The following GRIK4 variants were observed in gnomAD, a reference collection of about 807,000 sequenced individuals.
The protein encoded by GRIK4 is glutamate receptor ionotropic, kainate 4.
In GRIK4, 40 loss-of-function variants were observed where a neutral mutation model predicts 104.9. That is an observed-to-expected ratio of 0.38 (90% CI 0.30 to 0.50). The LOEUF (loss-of-function observed/expected upper bound fraction) is 0.50, where lower values mean the gene tolerates loss of function less well. GRIK4 is among the 20% of genes least tolerant of loss of function. The pLI is 0.93. For missense variants in GRIK4, 1,047 were observed against 1,308.1 expected, an observed-to-expected ratio of 0.80 and a Z score of 3.08; for synonymous variants, 485 against 524.9, an observed-to-expected ratio of 0.92 and a Z score of 1.04.
chr11:120,818,869 G>C (rs142466355), intron 5 of GRIK4, among the ~76,000 whole-genome samples: 89 of 152,300 alleles, frequency 5.8e-4, no homozygotes, highest in African/African-American at 2.1e-3. Flanking sequence ...TTCAGCTTCA[G>C]CTCGCTCAGC....
chr11:120,574,634 C>T lies in GRIK4; in HGVS notation c.-159+62747C>T, dbSNP rs1948454046. On this transcript the variant is annotated intron_variant, in intron 1 of 20. Transcript: ENST00000527524. ...CCCTGATCTGTAAGGGCAGGGGCTA[C>T]ATCTGTCTTGTTCACTATTGAACCC... 2.6e-5 allele frequency among the ~76,000 whole-genome samples: 4 copies of T among 152,182 alleles called. 1 individual carries two copies. The South Asian group carries it at 8.3e-4, about 32-fold the overall frequency.
chr11:120,608,452 CTGTG>C (rs145392325), intron 1 of GRIK4, among the ~76,000 whole-genome samples: 5 of 152,212 alleles, frequency 3.3e-5, no homozygotes, highest in Non-Finnish European at 7.3e-5. Context: ...TGGCCACACT[CTGTG>C]TGTGTGTGCA....
intron 14 of GRIK4, among the ~76,000 whole-genome samples, chr11:120,949,536 C>T (rs1047332506): frequency 2.6e-5 from 4 of 152,154 alleles, no homozygotes; most frequent in Non-Finnish European, 5.9e-5. Context: ...TAAATCAATA[C>T]AAATGCCTAT....
chr11:120,873,451 T>C (rs1219500809), intron 9 of GRIK4: 1 of 152,418 alleles, frequency 6.6e-6, no homozygotes, highest in East Asian at 1.9e-4. Context: ...TCCTCTTGTT[T>C]GTGCCCTGTC....
intron 19 of GRIK4, among the ~76,000 whole-genome samples, chr11:120,972,607 G>A (rs1591348711): frequency 6.6e-6 from 1 of 152,198 alleles, no homozygotes; most frequent in African/African-American, 2.4e-5. Flanking sequence ...AGGAGCTTCT[G>A]AGCAGAAAAG....
chr11:120,970,668 G>A (rs903525566), intron 19 of GRIK4, among the ~76,000 whole-genome samples: 18 of 152,014 alleles, frequency 1.2e-4, no homozygotes, highest in African/African-American at 3.1e-4. Context: ...CCAGGATCTC[G>A]GTGCCTTGCA....
chr11:120,884,450 A>G (rs957082822), intron 11 of GRIK4, among the ~76,000 whole-genome samples: 5 of 152,208 alleles, frequency 3.3e-5, no homozygotes, highest in African/African-American at 9.6e-5. Flanking sequence ...TCTGGCTGTA[A>G]CCACGCAAAG....
intron 3 of GRIK4, among the ~76,000 whole-genome samples, chr11:120,767,308 G>C (rs922753805): frequency 3.3e-5 from 5 of 152,182 alleles, no homozygotes; most frequent in Non-Finnish European, 7.3e-5. Flanking sequence ...GTGATCTTGA[G>C]CACTTTTTCA....
At chr11:120,730,251 G>A (rs761803351) in intron 3 of GRIK4, among the ~76,000 whole-genome samples, 7 of 152,172 alleles carry the variant, frequency 4.6e-5, no homozygotes, top group South Asian at 2.1e-4. Context: ...ACAGCTACTC[G>A]GGAGGCTGAG....
chr11:120,590,955 C>A (rs964930523), intron 1 of GRIK4, among the ~76,000 whole-genome samples: 2 of 152,138 alleles, frequency 1.3e-5, no homozygotes, highest in Non-Finnish European at 2.9e-5. Context: ...GGCCGACTCT[C>A]ACCTGAGGCC....
intron 13 of GRIK4, among the ~76,000 whole-genome samples, chr11:120,927,565 C>CAAAAAAAA (rs56223442): frequency 2.1e-4 from 21 of 101,538 alleles, no homozygotes; most frequent in African/African-American, 3.1e-4. Context: ...GACTCTGTCT[C>CAAAAAAAA]AAAAAAAAAA....
intron 4 of GRIK4, among the ~76,000 whole-genome samples, chr11:120,806,821 C>G (rs565343885): frequency 6.6e-6 from 1 of 152,156 alleles, no homozygotes; most frequent in African/African-American, 2.4e-5. Flanking sequence ...TCAGCCCCCT[C>G]GTCTGATGGT....
intron 20 of GRIK4, among the ~76,000 whole-genome samples, chr11:120,983,056 C>T (rs1944678638): frequency 1.3e-5 from 2 of 152,122 alleles, no homozygotes. Context: ...AGTGGCTAGC[C>T]CTGAATTAAA....
At chr11:120,740,077 A>G (rs1267576489) in intron 3 of GRIK4, among the ~76,000 whole-genome samples, 1 of 152,252 alleles carries the variant, frequency 6.6e-6, no homozygotes, top group Non-Finnish European at 1.5e-5. Context: ...GATGTGGACT[A>G]CATGGACAAT....
At chr11:120,543,932 T>C (rs12575317) in intron 1 of GRIK4, among the ~76,000 whole-genome samples, 5,246 of 152,270 alleles carry the variant, frequency 0.034, 138 homozygotes, top group East Asian at 0.097. Context: ...GAATCTAAAA[T>C]AGCTCACAGA....
At chr11:120,550,918 G>A (rs1231650625) in intron 1 of GRIK4, among the ~76,000 whole-genome samples, 1 of 152,150 alleles carries the variant, frequency 6.6e-6, no homozygotes. Flanking sequence ...GCAGGGCTGA[G>A]TGGGGTCTTT....
At chr11:120,758,784 A>G (rs991856426) in intron 3 of GRIK4, among the ~76,000 whole-genome samples, 1 of 152,196 alleles carries the variant, frequency 6.6e-6, no homozygotes, top group Non-Finnish European at 1.5e-5. Flanking sequence ...GCATCTATAA[A>G]TGGGAGTGTC....
At chr11:120,599,408 C>T (rs1948850452) in intron 1 of GRIK4, among the ~76,000 whole-genome samples, 1 of 152,182 alleles carries the variant, frequency 6.6e-6, no homozygotes, top group Non-Finnish European at 1.5e-5. Context: ...GTGCCCCATG[C>T]CTGCCCTCTT....
rs1947831139 is a variant in GRIK4 at position 120,524,093 on chromosome 11, ATT to A, written c.-159+12211_-159+12212del. Among the ~76,000 whole-genome samples, 1 of 151,858 alleles carries A rather than the reference ATT, an allele frequency of 6.6e-6. No individual in the cohort carries two copies. Among genetic ancestry groups the A allele is most frequent in the South Asian group, 2.1e-4 (1 of 4,804 alleles). On this transcript the variant is annotated intron_variant, in intron 1 of 20. Coordinates refer to ENST00000527524, the MANE Select transcript of GRIK4 (RefSeq NM_014619.5). This position sits in a 1 kb window ranked among gnomAD's most constrained non-coding sequence, Gnocchi z 4.5. The stretch of plus-strand genomic sequence containing the variant: ...AGGCGCACACCACCATGCCTGGCTA[ATT>A]TTTTGTATTTTAATAGAGACAGGGT...
Sources: gnomAD v4.1 joint callset for allele counts (sites outside exome capture counted in the v4.1 genomes callset) on GRCh38, gnomAD v4.1.1 for gene constraint, Gnocchi (gnomAD v3.1) non-coding constraint, MANE v1.5 for transcripts, NCBI Gene and HGNC (gene_info 2026-07-23, HGNC 2026-07-21) for gene names.